Variants in PELI2 observed in about 807,000 individuals in gnomAD.
PELI2 encodes E3 ubiquitin-protein ligase pellino homolog 2.
In PELI2, 23 loss-of-function variants were observed where a neutral mutation model predicts 42.3. The ratio of observed to expected loss-of-function variants is 0.54; its 90% CI spans 0.39 to 0.77. The LOEUF is 0.77. Ranked by LOEUF, PELI2 falls within the 30% of genes least tolerant of loss-of-function variation. The pLI is 0.00. For synonymous variants in PELI2, 245 were observed against 212.2 expected (o/e 1.15, Z -1.34); for missense variants, 463 against 553.2 (o/e 0.84, Z 1.64).
At chr14:56,212,338 A>G (rs545267690) in intron 2 of PELI2, among the ~76,000 whole-genome samples, 32 of 152,202 alleles carry the variant, frequency 2.1e-4, no homozygotes, top group Non-Finnish European at 3.7e-4. Flanking sequence ...GGAAAGTGGC[A>G]CTATTTCCCC....
chr14:56,121,369 T>C (rs954090564), intron 1 of PELI2, among the ~76,000 whole-genome samples: 2 of 152,196 alleles, frequency 1.3e-5, no homozygotes, highest in African/African-American at 4.8e-5. Context: ...TCTAAATACT[T>C]CTATATCTTT....
intron 2 of PELI2, among the ~76,000 whole-genome samples, chr14:56,271,042 C>G (rs1889087127): frequency 1.3e-5 from 2 of 152,248 alleles, no homozygotes; most frequent in South Asian, 4.1e-4. Context: ...TTATCAGTGG[C>G]TACTGCAGTG....
At chr14:56,271,112 C>A (rs1377205543) in intron 2 of PELI2, among the ~76,000 whole-genome samples, 1 of 152,174 alleles carries the variant, frequency 6.6e-6, no homozygotes, top group Non-Finnish European at 1.5e-5. Flanking sequence ...AGTACCTGCC[C>A]ATATACGTTT....
intron 1 of PELI2, among the ~76,000 whole-genome samples, chr14:56,162,468 G>A (rs536862476): frequency 2.0e-5 from 3 of 152,224 alleles, no homozygotes; most frequent in Non-Finnish European, 2.9e-5. Context: ...TGGCTGAATA[G>A]TACTCCATTG....
At chr14:56,165,530 A>G (rs1241310105) in intron 1 of PELI2, among the ~76,000 whole-genome samples, 2 of 152,168 alleles carry the variant, frequency 1.3e-5, no homozygotes, top group Non-Finnish European at 2.9e-5. Context: ...AGAATGATCC[A>G]TGTGCTGAGG....
At chr14:56,126,647 G>A (rs918208129) in intron 1 of PELI2, among the ~76,000 whole-genome samples, 4 of 152,124 alleles carry the variant, frequency 2.6e-5, no homozygotes, top group Admixed American at 2.0e-4. Context: ...CCCATCTTGT[G>A]CTTCCTGCTC....
chr14:56,236,176 TTACTC>T (rs778190024), intron 2 of PELI2, among the ~76,000 whole-genome samples: 5 of 152,264 alleles, frequency 3.3e-5, no homozygotes, highest in Non-Finnish European at 7.3e-5. Context: ...CCACTTTTAA[TTACTC>T]TAGTATGTTT....
chr14:56,223,320 C>T (rs1331911619), intron 2 of PELI2, among the ~76,000 whole-genome samples: 1 of 152,198 alleles, frequency 6.6e-6, no homozygotes, highest in East Asian at 1.9e-4. Context: ...CCAGTGCTCT[C>T]TGGGAGAAGG....
rs1887083643 is a variant in PELI2 at position 56,220,424 on chromosome 14, A to G, written c.207+41960A>G. Among the ~76,000 whole-genome samples, 4 of 152,164 alleles carry G rather than the reference A, an allele frequency of 2.6e-5. No homozygotes were observed. In the South Asian group the frequency reaches 8.3e-4, roughly 31 times the overall value. ...GTTATAAAACACAGCATGTATCTAT[A>G]TTTTTCTTCTGAAAAATGTGAAAAT... is the stretch of plus-strand genomic sequence containing the variant. On this transcript the variant is annotated intron_variant, in intron 2 of 5. Coordinates refer to ENST00000267460, the MANE Select transcript of PELI2 (RefSeq NM_021255.3).
intron 1 of PELI2, among the ~76,000 whole-genome samples, chr14:56,176,206 T>C (rs1338774722): frequency 6.6e-6 from 1 of 152,166 alleles, no homozygotes; most frequent in Non-Finnish European, 1.5e-5. Context: ...GGAGGTATAG[T>C]TGTGATCAGA....
Position 56,154,400 on chromosome 14 carries a change from A to G in PELI2, c.78-23935A>G, listed in dbSNP as rs374545702. On this transcript the variant is annotated intron_variant, in intron 1 of 5. Coordinates refer to ENST00000267460, the MANE Select transcript of PELI2 (RefSeq NM_021255.3). ...GAGGGACCTGGTGGGAGATGATTGTATTATGGGGTGGTTTCACCTATGCCT... is the reference window on the plus strand; with the variant it reads ...GAGGGACCTGGTGGGAGATGATTGTGTTATGGGGTGGTTTCACCTATGCCT... 2.6e-5 allele frequency among the ~76,000 whole-genome samples: 4 copies of G among 152,284 alleles called. No homozygotes were observed. In the South Asian group the frequency reaches 8.3e-4, roughly 32 times the overall value.
At chr14:56,130,486 A>C (rs1031025097) in intron 1 of PELI2, among the ~76,000 whole-genome samples, 3 of 151,562 alleles carry the variant, frequency 2.0e-5, no homozygotes, top group African/African-American at 7.3e-5. Flanking sequence ...GGGTATTCTC[A>C]TTAAACATAG....
intron 2 of PELI2, among the ~76,000 whole-genome samples, chr14:56,198,006 A>C (rs1326484163): frequency 2.6e-5 from 3 of 116,362 alleles, no homozygotes; most frequent in African/African-American, 8.3e-5. Flanking sequence ...ACACACACAC[A>C]CACACACCCA....
Position 56,145,994 on chromosome 14 carries a change from G to A in PELI2, c.77+27257G>A, listed in dbSNP as rs557790536. On this transcript the variant is annotated intron_variant, in intron 1 of 5. Transcript: ENST00000267460. ...TTGTAATGAAATATAAAACTATAAAGTCATTGAAATCCAAATTGACTGTAT... is the reference window on the plus strand; with the variant it reads ...TTGTAATGAAATATAAAACTATAAAATCATTGAAATCCAAATTGACTGTAT... Among the ~76,000 whole-genome samples, 41 of 152,198 alleles carry A rather than the reference G, an allele frequency of 2.7e-4. 1 individual carries two copies. In the South Asian group the frequency reaches 8.3e-3, roughly 31 times the overall value.
chr14:56,269,808 C>G (rs1370679920), intron 2 of PELI2, among the ~76,000 whole-genome samples: 2 of 152,210 alleles, frequency 1.3e-5, no homozygotes, highest in African/African-American at 2.4e-5. Context: ...AGCTTTTCAT[C>G]TAATTGGAAA....
chr14:56,183,358 AATAAAC>A lies in PELI2; in HGVS notation c.207+4900_207+4905del, dbSNP rs369256275. ...CAATTTGATTATTTCAACAAAAAAT[AATAAAC>A]ATAAATCATTTTCCAAAAAATTGAA... On this transcript the variant is annotated intron_variant, in intron 2 of 5. Transcript: ENST00000267460. Among the ~76,000 whole-genome samples, 418 of 152,346 alleles carry A rather than the reference AATAAAC, an allele frequency of 2.7e-3. 1 individual carries two copies. Among genetic ancestry groups the A allele is most frequent in the African/African-American group, 9.1e-3 (378 of 41,564 alleles).
intron 2 of PELI2, among the ~76,000 whole-genome samples, chr14:56,198,208 CAA>C (rs200189722): frequency 2.0e-5 from 3 of 152,064 alleles, no homozygotes; most frequent in African/African-American, 4.8e-5. Context: ...AGGAGAAACT[CAA>C]AGAGTTTGGT....
chr14:56,222,481 G>A (rs1486557399), intron 2 of PELI2, among the ~76,000 whole-genome samples: 1 of 152,234 alleles, frequency 6.6e-6, no homozygotes, highest in Admixed American at 6.5e-5. Flanking sequence ...GCCTGTGCCA[G>A]ACACTGTCTG....
chr14:56,243,325 G>C (rs1232444959), intron 2 of PELI2, among the ~76,000 whole-genome samples: 2 of 152,142 alleles, frequency 1.3e-5, no homozygotes, highest in Non-Finnish European at 2.9e-5. Context: ...TTCCAGCTGT[G>C]AGGGGGTTGG....
Sources: gnomAD v4.1 joint callset for allele counts (sites outside exome capture counted in the v4.1 genomes callset) on GRCh38, gnomAD v4.1.1 for gene constraint, MANE v1.5 for transcripts, NCBI Gene and HGNC (gene_info 2026-07-23, HGNC 2026-07-21) for gene names.